Variants in BTBD8 observed in about 807,000 individuals in gnomAD.
BTBD8 encodes BTB domain containing 8, also known as BTB/POZ domain-containing protein 8.
In BTBD8, 110 loss-of-function variants were observed where a neutral mutation model predicts 162.9. The observed-to-expected ratio is 0.68, with a 90% confidence interval of 0.58 to 0.79. BTBD8 has a LOEUF of 0.79. Among genes scored for constraint, BTBD8 ranks in the 30% least tolerant of loss-of-function variants. The pLI is 0.00. For missense variants in BTBD8, 1,905 were observed against 2,085.4 expected (o/e 0.91, Z 1.68); for synonymous variants, 667 against 716.1 (o/e 0.93, Z 1.10).
At chr1:92,106,328 C>G (rs1262687177) in intron 3 of BTBD8, among the ~76,000 whole-genome samples, 1 of 151,996 alleles carries the variant, frequency 6.6e-6, no homozygotes, top group Non-Finnish European at 1.5e-5. Context: ...ACCAGGGATG[C>G]TACTATCATG....
intron 13 of BTBD8, among the ~76,000 whole-genome samples, chr1:92,172,341 C>T (rs977808938): frequency 5.3e-5 from 8 of 152,090 alleles, no homozygotes; most frequent in East Asian, 1.9e-4. Flanking sequence ...TGTTGTGCAA[C>T]GAAGTGCATG....
At chr1:92,136,124 C>T (rs1456115055) in intron 5 of BTBD8, among the ~76,000 whole-genome samples, 1 of 152,088 alleles carries the variant, frequency 6.6e-6, no homozygotes, top group Non-Finnish European at 1.5e-5. Flanking sequence ...TGGTAGGGAT[C>T]AGTAAATATT....
At chr1:92,114,011 CA>C (rs35277981) in intron 4 of BTBD8, among the ~76,000 whole-genome samples, 56,397 of 94,932 alleles carry the variant, frequency 0.59, 13,236 homozygotes, top group East Asian at 0.86. Flanking sequence ...GACTCCGTCT[CA>C]AAAAAAAAAA....
chr1:92,131,569 C>T (rs184900650), intron 5 of BTBD8, among the ~76,000 whole-genome samples: 1 of 152,078 alleles, frequency 6.6e-6, no homozygotes, highest in Non-Finnish European at 1.5e-5. Flanking sequence ...ACTAAAAATA[C>T]AAAAATTAGC....
intron 5 of BTBD8, among the ~76,000 whole-genome samples, chr1:92,136,983 A>G (rs1198118640): frequency 2.0e-5 from 3 of 152,174 alleles, no homozygotes; most frequent in Admixed American, 6.5e-5. Flanking sequence ...ACAATCAGGG[A>G]TAAAAAGCCA....
chr1:92,081,686 GCCTCAA>G (rs1326574069), intron 1 of BTBD8, among the ~76,000 whole-genome samples: 1 of 152,084 alleles, frequency 6.6e-6, no homozygotes, highest in African/African-American at 2.4e-5. Flanking sequence ...CCATTCTCCT[GCCTCAA>G]CCTCCCGAGT....
intron 1 of BTBD8, among the ~76,000 whole-genome samples, chr1:92,084,641 C>A (rs1272363062): frequency 1.3e-5 from 2 of 152,310 alleles, no homozygotes; most frequent in Non-Finnish European, 2.9e-5. Context: ...AGGTGGATAT[C>A]TTGTCCAGCC....
chr1:92,148,895 T>C (rs1368266447), intron 9 of BTBD8, among the ~76,000 whole-genome samples: 1 of 152,208 alleles, frequency 6.6e-6, no homozygotes, highest in East Asian at 1.9e-4. Flanking sequence ...ACAATGTGGA[T>C]AATGTAGAGA....
Position 92,167,859 on chromosome 1 carries a change from G to C in BTBD8, c.1317G>C (p.Met439Ile). 3 of 1,549,526 alleles carry C rather than the reference G, an allele frequency of 1.9e-6. No homozygotes were observed. The highest frequency in any genetic ancestry group is 2.6e-6 in the Non-Finnish European group (3 of 1,145,608). The change falls in exon 11 of 18, where the codon ATG becomes ATC. Residue 439 changes from methionine (M) to isoleucine (I), a missense_variant. By Grantham distance (10) the Met-to-Ile change is conservative. Transcript: ENST00000636805. ...NFALLLQSQAMSSTADLLDTI... is the reference protein window; with the variant it reads ...NFALLLQSQAISSTADLLDTI... ...TCTGTGTTTTATAGTCACAAGCAAT[G>C]AGCAGCACAGCCGATCTGTTGGACA... is the stretch of plus-strand genomic sequence containing the variant.
chr1:92,102,116 G>A (rs564218784), intron 2 of BTBD8, among the ~76,000 whole-genome samples: 8 of 152,146 alleles, frequency 5.3e-5, no homozygotes, highest in Middle Eastern at 3.4e-3. Flanking sequence ...CCGCCTCCTG[G>A]GTTCAAGTGA....
In BTBD8 at chr1:92,181,917, A is replaced by T; in HGVS notation, c.4234A>T (p.Ile1412Leu). ...CCCAGCTCCTCAGCAGTTTCAGGGA[A>T]TAATTAATTTAGCTTTTGAAGATGC... ...SNPAPQQFQG[I>L]INLAFEDATE... The change falls in exon 17 of 18, where the codon ATA (isoleucine) becomes TTA (leucine). Residue 1412 changes from isoleucine to leucine, a missense_variant. Around this residue, in one of 3 missense-constraint regions of BTBD8, gnomAD observed 517 missense variants for 606.6 expected, o/e 0.85. Transcript: ENST00000636805. 1 of 1,551,454 alleles carries T rather than the reference A, an allele frequency of 6.4e-7. No individual in the cohort carries two copies. The highest frequency in any genetic ancestry group is 8.7e-7 in the Non-Finnish European group (1 of 1,146,820).
intron 9 of BTBD8, among the ~76,000 whole-genome samples, chr1:92,151,790 G>C (rs2100644728): frequency 6.6e-6 from 1 of 152,186 alleles, no homozygotes; most frequent in Admixed American, 6.6e-5. Flanking sequence ...ATAAGTGAAT[G>C]GAATATATAC....
At chr1:92,089,247 G>C (rs1648236488) in intron 2 of BTBD8, among the ~76,000 whole-genome samples, 1 of 151,962 alleles carries the variant, frequency 6.6e-6, no homozygotes, top group South Asian at 2.1e-4. Context: ...TGGCATTTCA[G>C]GTTGTATAAT....
In BTBD8 at chr1:92,177,896, C is replaced by T; in HGVS notation, c.2439C>T (p.Asn813=). Residue 813 remains asparagine, a splice_region_variant and synonymous_variant, in exon 15 of 18, where the codon AAC becomes AAT. Transcript: ENST00000636805. The part of the protein sequence containing the change: ...SIHEQDTNVN[N]SVLKKVSGKG... The stretch of plus-strand genomic sequence containing the variant: ...ATGAACAAGACACTAATGTAAATAA[C>T]AGGTAGGTCTTCATTCAGTGTTTTA... 1 of 1,472,934 alleles carries T rather than the reference C, an allele frequency of 6.8e-7. No individual in the cohort carries two copies. Among genetic ancestry groups the T allele is most frequent in the Non-Finnish European group, 9.3e-7 (1 of 1,076,496 alleles). The allele number at this position is 1,472,934 out of a possible 1,614,324, so 91.2% of individuals were successfully genotyped here. A position where few individuals can be genotyped will look rare whatever the true frequency, so the allele number is the denominator to read the frequency against.
intron 5 of BTBD8, among the ~76,000 whole-genome samples, chr1:92,131,059 T>C (rs1649503930): frequency 6.6e-6 from 1 of 152,126 alleles, no homozygotes; most frequent in South Asian, 2.1e-4. Context: ...TATTACAAAA[T>C]CAAATTAATA....
At chr1:92,175,045 G>A (rs1401505340) in intron 13 of BTBD8, among the ~76,000 whole-genome samples, 1 of 151,732 alleles carries the variant, frequency 6.6e-6, no homozygotes, top group Non-Finnish European at 1.5e-5. Context: ...TACGTTTTTT[G>A]TTTGTTTGTT....
At chr1:92,158,661 T>C (rs1303726811) in intron 9 of BTBD8, among the ~76,000 whole-genome samples, 2 of 152,204 alleles carry the variant, frequency 1.3e-5, no homozygotes, top group African/African-American at 4.8e-5. Context: ...TATACCACTC[T>C]AGTGTTGAAT....
intron 9 of BTBD8, among the ~76,000 whole-genome samples, chr1:92,163,449 T>C (rs939630959): frequency 2.0e-5 from 3 of 150,968 alleles, no homozygotes; most frequent in African/African-American, 7.3e-5. Flanking sequence ...ATTACATATA[T>C]GTTTTGTTTG....
chr1:92,144,455 G>T (rs1316430891), intron 7 of BTBD8, among the ~76,000 whole-genome samples: 5 of 150,952 alleles, frequency 3.3e-5, no homozygotes, highest in Non-Finnish European at 7.4e-5. Context: ...TAAACATTTT[G>T]GACTTCATTT....
Sources: allele counts gnomAD v4.1 joint callset (sites outside exome capture counted in the v4.1 genomes callset), GRCh38; gene constraint gnomAD v4.1.1; regional missense constraint gnomAD v4.1.1; transcripts MANE v1.5; gene names NCBI Gene and HGNC (gene_info 2026-07-23, HGNC 2026-07-21).